The following CDH7 variants were observed in gnomAD, a reference collection of about 807,000 sequenced individuals.
CDH7 encodes the protein cadherin 7.
CDH7 carries 25 observed loss-of-function variants against 71.8 expected under a neutral mutation model. The observed-to-expected ratio is 0.35, with a 90% CI of 0.25 to 0.49. CDH7 has a LOEUF of 0.49. Among genes scored for constraint, CDH7 ranks in the 20% least tolerant of loss-of-function variants. The probability of loss-of-function intolerance (pLI) is 0.99; values close to 1 mark genes in which losing one functional copy is unlikely to be tolerated. For synonymous variants in CDH7, 381 were observed against 363.8 expected (o/e 1.05, Z -0.54); for missense variants, 862 against 974.6 (o/e 0.88, Z 1.54).
At chr18:65,770,849 T>G (rs1350801005) in intron 2 of CDH7, among the ~76,000 whole-genome samples, 2 of 152,200 alleles carry the variant, frequency 1.3e-5, no homozygotes, top group Admixed American at 6.5e-5. Context: ...AATCATATTT[T>G]GAAGATAGAT....
chr18:65,814,689 T>C (rs1911662586), intron 4 of CDH7, 85 bp downstream of exon 4: 1 of 1,183,462 alleles, frequency 8.4e-7, no homozygotes. Context: ...TAGTTGACAC[T>C]AATAACATAC....
At chr18:65,877,289 C>T (rs1380974843) in intron 11 of CDH7, among the ~76,000 whole-genome samples, 1 of 151,994 alleles carries the variant, frequency 6.6e-6, no homozygotes, top group East Asian at 1.9e-4. Flanking sequence ...CTGGTATACC[C>T]ACAGGCACTG....
intron 3 of CDH7, among the ~76,000 whole-genome samples, chr18:65,811,063 C>T (rs1911516285): frequency 6.6e-6 from 1 of 151,796 alleles, no homozygotes; most frequent in Admixed American, 6.6e-5. Flanking sequence ...AGTTATTAGA[C>T]TGGATGAGAG....
At chr18:65,857,151 C>T (rs1164671960) in intron 7 of CDH7, among the ~76,000 whole-genome samples, 1 of 151,340 alleles carries the variant, frequency 6.6e-6, no homozygotes, top group Admixed American at 6.6e-5. Flanking sequence ...CCAGGGTTAC[C>T]AAATATATTG....
Position 65,882,321 on chromosome 18 carries a change from A to G in CDH7, c.*1427A>G, listed in dbSNP as rs1914254985. ...GATGTTTCTACCTATTATTTTTCCT[A>G]GATTAATACTAGTTTAATGTGCATA... On this transcript the variant is annotated 3_prime_UTR_variant, in exon 12 of 12. Transcript: ENST00000397968. 6.6e-6 allele frequency: 1 copy of G among 152,134 alleles called. No individual in the cohort carries two copies. Among genetic ancestry groups the G allele is most frequent in the Non-Finnish European group, 1.5e-5 (1 of 67,994 alleles). 9.4% of individuals were successfully genotyped at this position (152,134 alleles called of 1,614,324 possible).
In CDH7 at chr18:65,883,251, A is replaced by G. The variant is rs533425104; in HGVS notation, c.*2357A>G. ...TTAATTAAAAAAATTAATTTAAAAA[A>G]TTAATTTTTGAGATGGCTGGAAGAA... is the stretch of plus-strand genomic sequence containing the variant. On this transcript the variant is annotated 3_prime_UTR_variant, in exon 12 of 12. Transcript: ENST00000397968. 2 of 152,044 alleles carry G rather than the reference A, an allele frequency of 1.3e-5. No homozygotes were observed. The highest frequency in any genetic ancestry group is 1.5e-5 in the Non-Finnish European group (1 of 67,954). The allele number at this position is 152,044 out of a possible 1,614,324, so 9.4% of individuals were successfully genotyped here.
chr18:65,761,694 T>C (rs903525716), intron 1 of CDH7, among the ~76,000 whole-genome samples: 2 of 152,188 alleles, frequency 1.3e-5, no homozygotes, highest in Non-Finnish European at 2.9e-5. Flanking sequence ...CTTTGTGTTT[T>C]AGGGGTATGT....
At chr18:65,766,425 AG>A (rs1555680876) in intron 2 of CDH7, among the ~76,000 whole-genome samples, 1 of 152,126 alleles carries the variant, frequency 6.6e-6, no homozygotes. Flanking sequence ...CAAAGACCAA[AG>A]TAGAACATTC....
chr18:65,822,233 C>T lies in CDH7; in HGVS notation c.778C>T (p.Pro260Ser). Reference protein sequence around the residue: ...VTLTDVNDNPPRFPRRSYQYN... With the variant: ...VTLTDVNDNPSRFPRRSYQYN... ...CCTAACTGATGTCAACGATAATCCA[C>T]CTCGCTTTCCTCGAAGTAAGTTGTT... Residue 260 changes from proline (P) to serine (S), a missense_variant, in exon 5 of 12, where the codon CCT (proline) becomes TCT (serine). Physicochemically the swap from Pro to Ser is moderately conservative, Grantham distance 74. Coordinates refer to ENST00000397968, the MANE Select transcript of CDH7 (RefSeq NM_004361.5). 1 of 1,607,892 alleles carries T rather than the reference C, an allele frequency of 6.2e-7. No homozygotes were observed. The highest frequency in any genetic ancestry group is 8.5e-7 in the Non-Finnish European group (1 of 1,175,126).
At chr18:65,798,237 G>T (rs926029197) in intron 2 of CDH7, among the ~76,000 whole-genome samples, 1 of 152,044 alleles carries the variant, frequency 6.6e-6, no homozygotes, top group African/African-American at 2.4e-5. Context: ...AAAAATAAGA[G>T]TATGTCAGAT....
At chr18:65,859,091 A>G (rs758119044) in intron 9 of CDH7, 45 bp downstream of exon 9, 66 of 1,585,940 alleles carry the variant, frequency 4.2e-5, no homozygotes, top group Non-Finnish European at 5.5e-5. Flanking sequence ...TGGTTTCTTA[A>G]AAAATATCCA....
rs1912568957 is a variant in CDH7 at position 65,837,420 on chromosome 18, G to A, written c.982-6392G>A. Among the ~76,000 whole-genome samples, 6 of 152,044 alleles carry A rather than the reference G, an allele frequency of 3.9e-5. No homozygotes were observed. The South Asian group carries it at 1.2e-3, about 32-fold the overall frequency. ...TAAATGTTCTTGTATCATCATGACA[G>A]GGGATAGTTTTACAACCTGGAAAAA... On this transcript the variant is annotated intron_variant, in intron 6 of 11. Coordinates refer to ENST00000397968, the MANE Select transcript of CDH7 (RefSeq NM_004361.5).
chr18:65,767,858 A>G (rs999312203), intron 2 of CDH7, among the ~76,000 whole-genome samples: 1 of 152,172 alleles, frequency 6.6e-6, no homozygotes, highest in Non-Finnish European at 1.5e-5. Flanking sequence ...TTTTCTTACC[A>G]TTTTGTAAAT....
chr18:65,803,937 A>T (rs911181948), intron 2 of CDH7: 55 of 151,520 alleles, frequency 3.6e-4, no homozygotes, highest in African/African-American at 1.3e-3. Flanking sequence ...ATAGCAGTAT[A>T]AGTTTTATTT....
intron 2 of CDH7, among the ~76,000 whole-genome samples, chr18:65,767,509 T>C (rs1218450011): frequency 6.6e-6 from 1 of 152,112 alleles, no homozygotes; most frequent in Non-Finnish European, 1.5e-5. Flanking sequence ...GTTTATAGAT[T>C]TTATTGAGAA....
intron 2 of CDH7, among the ~76,000 whole-genome samples, chr18:65,799,303 T>C (rs1411274898): frequency 6.6e-6 from 1 of 152,036 alleles, no homozygotes. Context: ...CAGACATACC[T>C]TGTGAACCTG....
intron 11 of CDH7, among the ~76,000 whole-genome samples, chr18:65,868,976 CTA>C (rs1284583559): frequency 6.6e-6 from 1 of 152,088 alleles, no homozygotes; most frequent in East Asian, 1.9e-4. Context: ...GTTCCTTGTT[CTA>C]TTGGAGAGTT....
At chr18:65,840,396 G>A (rs887791276) in intron 6 of CDH7, among the ~76,000 whole-genome samples, 5 of 111,494 alleles carry the variant, frequency 4.5e-5, no homozygotes, top group African/African-American at 1.5e-4. Context: ...TAAAAGAGAA[G>A]CAGCGCTTTT....
At chr18:65,855,298 T>C (rs1913312110) in intron 7 of CDH7, among the ~76,000 whole-genome samples, 1 of 151,870 alleles carries the variant, frequency 6.6e-6, no homozygotes, top group Non-Finnish European at 1.5e-5. Context: ...AATTAAAAGC[T>C]TGTTTTTTTG....
Sources: allele counts gnomAD v4.1 joint callset (sites outside exome capture counted in the v4.1 genomes callset), GRCh38; gene constraint gnomAD v4.1.1; transcripts MANE v1.5; gene names NCBI Gene and HGNC (gene_info 2026-07-23, HGNC 2026-07-21).